Variants in PAK5 observed in about 807,000 individuals in gnomAD.
The protein encoded by PAK5 is p21 (RAC1) activated kinase 5.
Under a neutral mutation model 65.9 loss-of-function variants are expected in PAK5, and 16 were observed. The ratio of observed to expected loss-of-function variants is 0.24; its 90% CI spans 0.16 to 0.37. The LOEUF (loss-of-function observed/expected upper bound fraction) is 0.37. Among genes scored for constraint, PAK5 ranks in the 10% least tolerant of loss-of-function variants. The pLI is 1.00. For synonymous variants in PAK5, 371 were observed against 354.9 expected (o/e 1.05, Z -0.51); for missense variants, 785 against 903.9 (o/e 0.87, Z 1.69).
chr20:9,691,772 T>C (rs1428860122), intron 2 of PAK5, among the ~76,000 whole-genome samples: 1 of 152,232 alleles, frequency 6.6e-6, no homozygotes, highest in East Asian at 1.9e-4. Context: ...TGCCCATTTC[T>C]TCACAGAACA....
At chr20:9,655,706 G>A (rs755096162) in intron 2 of PAK5, among the ~76,000 whole-genome samples, 8 of 152,112 alleles carry the variant, frequency 5.3e-5, no homozygotes, top group Non-Finnish European at 1.0e-4. Context: ...AATAATGGAG[G>A]GAAGGCATAT....
intron 2 of PAK5, among the ~76,000 whole-genome samples, chr20:9,678,438 G>A (rs56000226): frequency 1.3e-5 from 2 of 151,962 alleles, no homozygotes; most frequent in African/African-American, 2.4e-5. Context: ...ATTGTGGCAG[G>A]CGCCTGTAGT....
chr20:9,707,804 A>AATCACC (rs1289730817), intron 2 of PAK5, among the ~76,000 whole-genome samples: 1 of 152,138 alleles, frequency 6.6e-6, no homozygotes, highest in African/African-American at 2.4e-5. Flanking sequence ...CATGGGAGTG[A>AATCACC]AGCATCTGAG....
intron 2 of PAK5, among the ~76,000 whole-genome samples, chr20:9,689,724 A>G (rs1600245664): frequency 6.6e-6 from 1 of 152,360 alleles, no homozygotes; most frequent in East Asian, 1.9e-4. Flanking sequence ...TATATCCATA[A>G]TGATTACCTT....
intron 2 of PAK5, among the ~76,000 whole-genome samples, chr20:9,658,709 T>C (rs2123323659): frequency 6.6e-6 from 1 of 152,312 alleles, no homozygotes; most frequent in South Asian, 2.1e-4. Flanking sequence ...AAACAAACCC[T>C]GATTGTAATG....
At chr20:9,680,363 A>G (rs1025928905) in intron 2 of PAK5, among the ~76,000 whole-genome samples, 2 of 152,194 alleles carry the variant, frequency 1.3e-5, no homozygotes, top group African/African-American at 4.8e-5. Flanking sequence ...TACCTGAGAT[A>G]TCTCAGGAGG....
intron 6 of PAK5, among the ~76,000 whole-genome samples, chr20:9,560,371 A>C (rs2122967253): frequency 6.6e-6 from 1 of 152,236 alleles, no homozygotes; most frequent in Admixed American, 6.5e-5. Flanking sequence ...ATACCTTTTA[A>C]AATTTTGAGA....
At chr20:9,810,487 A>G (rs1378355461) in intron 1 of PAK5, among the ~76,000 whole-genome samples, 1 of 152,162 alleles carries the variant, frequency 6.6e-6, no homozygotes, top group African/African-American at 2.4e-5. Context: ...GGAAGGCTGC[A>G]GTGAGCCGTG....
chr20:9,707,032 C>T (rs2048017047), intron 2 of PAK5, among the ~76,000 whole-genome samples: 1 of 152,144 alleles, frequency 6.6e-6, no homozygotes, highest in South Asian at 2.1e-4. Flanking sequence ...CTCTCTCTCC[C>T]TCACCATTCC....
At chr20:9,618,917 T>TTTTTTTTTTG (rs2046717545) in intron 3 of PAK5, among the ~76,000 whole-genome samples, 1 of 51,840 alleles carries the variant, frequency 1.9e-5, no homozygotes, top group African/African-American at 6.7e-5. Flanking sequence ...TTTCTTTCGT[T>TTTTTTTTTTG]TTTTTTTTTT....
chr20:9,725,715 G>A (rs6141018), intron 1 of PAK5, among the ~76,000 whole-genome samples: 59,121 of 151,882 alleles, frequency 0.39, 11,633 homozygotes, highest in South Asian at 0.52. Flanking sequence ...CAAACTCGTC[G>A]TAGTCAGAAC....
chr20:9,593,329 T>C (rs1340176441), intron 3 of PAK5, among the ~76,000 whole-genome samples: 1 of 152,022 alleles, frequency 6.6e-6, no homozygotes, highest in East Asian at 1.9e-4. Flanking sequence ...AGTTGGTAGG[T>C]TAGGCTCCCT....
In PAK5 at chr20:9,611,056, C is replaced by T. The variant is rs2046550386; in HGVS notation, c.205-30126G>A. 2.0e-5 allele frequency among the ~76,000 whole-genome samples: 3 copies of T among 152,288 alleles called. No homozygotes were observed. In the South Asian group the frequency reaches 6.2e-4, roughly 32 times the overall value. The stretch of plus-strand genomic sequence containing the variant: ...CCTAGACTTCCAGCCTCCAGAACTG[C>T]GAGAAATAAATTTTTATTGTTGGTA... On this transcript the variant is annotated intron_variant, in intron 3 of 9. Coordinates refer to ENST00000353224, the MANE Select transcript of PAK5 (RefSeq NM_177990.4).
At chr20:9,785,697 T>C (rs2048985331) in intron 1 of PAK5, among the ~76,000 whole-genome samples, 1 of 152,190 alleles carries the variant, frequency 6.6e-6, no homozygotes, top group Non-Finnish European at 1.5e-5. Flanking sequence ...AGTATTTGTA[T>C]TTGTGAAGAC....
chr20:9,737,331 C>T (rs527691314), intron 1 of PAK5, among the ~76,000 whole-genome samples: 1 of 152,048 alleles, frequency 6.6e-6, no homozygotes, highest in South Asian at 2.1e-4. Context: ...TAGAACTAAC[C>T]AAAAGAAAGT....
chr20:9,727,613 T>C (rs2123541595), intron 1 of PAK5, among the ~76,000 whole-genome samples: 1 of 151,748 alleles, frequency 6.6e-6, no homozygotes, highest in African/African-American at 2.4e-5. Flanking sequence ...ATTAGAATTC[T>C]TCAGTCAAGG....
chr20:9,741,681 C>A (rs976708910), intron 1 of PAK5, among the ~76,000 whole-genome samples: 2 of 152,096 alleles, frequency 1.3e-5, no homozygotes, highest in Non-Finnish European at 2.9e-5. Flanking sequence ...GATTTAAAAA[C>A]CCTAACGTGC....
intron 2 of PAK5, among the ~76,000 whole-genome samples, chr20:9,651,011 A>C (rs1400080679): frequency 1.3e-5 from 2 of 152,180 alleles, no homozygotes; most frequent in Non-Finnish European, 2.9e-5. Context: ...AAATTATCTA[A>C]AGGGTAACGG....
At chr20:9,722,483 G>A (rs11698736) in intron 1 of PAK5, among the ~76,000 whole-genome samples, 30,231 of 151,628 alleles carry the variant, frequency 0.2, 3,224 homozygotes, top group East Asian at 0.37. Context: ...ATGGTGGCGG[G>A]CGCCTGTAGT....
Sources: gnomAD v4.1 joint callset for allele counts (sites outside exome capture counted in the v4.1 genomes callset) on GRCh38, gnomAD v4.1.1 for gene constraint, MANE v1.5 for transcripts, NCBI Gene and HGNC (gene_info 2026-07-23, HGNC 2026-07-21) for gene names.